INSYN2B: variants seen among roughly 807,000 people sequenced by gnomAD.
The protein encoded by INSYN2B is inhibitory synaptic factor family member 2B, also known as protein INSYN2B.
INSYN2B carries 16 observed loss-of-function variants against 41.2 expected under a neutral mutation model. The ratio of observed to expected loss-of-function variants is 0.39; its 90% CI spans 0.26 to 0.59. The LOEUF is 0.59. Ranked by LOEUF, INSYN2B falls within the 20% of genes least tolerant of loss-of-function variation. The probability of loss-of-function intolerance (pLI) is 0.57; values close to 1 mark genes in which losing one functional copy is unlikely to be tolerated. For synonymous variants in INSYN2B, 245 were observed against 244.4 expected, an observed-to-expected ratio of 1.00 and a Z score of -0.02; for missense variants, 608 against 646.4, an observed-to-expected ratio of 0.94 and a Z score of 0.64.
intron 1 of INSYN2B, among the ~76,000 whole-genome samples, chr5:169,935,100 C>T (rs1276392841): frequency 6.6e-6 from 1 of 152,198 alleles, no homozygotes; most frequent in East Asian, 1.9e-4. Context: ...GCAGTGAAGA[C>T]AGCGTGGCAA....
chr5:169,877,914 A>G (rs1247843344), intron 3 of INSYN2B, among the ~76,000 whole-genome samples: 1 of 152,110 alleles, frequency 6.6e-6, no homozygotes, highest in Non-Finnish European at 1.5e-5. Flanking sequence ...CTGTCTTTCC[A>G]ATTCCTGAAC....
intron 1 of INSYN2B, among the ~76,000 whole-genome samples, chr5:169,952,357 C>T (rs1339661178): frequency 2.0e-5 from 3 of 152,040 alleles, no homozygotes; most frequent in Admixed American, 6.6e-5. Flanking sequence ...GTCCTTTCTC[C>T]AAGTAACTCA....
chr5:169,880,933 G>T (rs1772605583), intron 3 of INSYN2B, among the ~76,000 whole-genome samples: 1 of 152,212 alleles, frequency 6.6e-6, no homozygotes, highest in Non-Finnish European at 1.5e-5. Context: ...TAAGGGCTTG[G>T]CATAGCATAG....
chr5:169,865,945 C>T (rs898731832), intron 3 of INSYN2B, among the ~76,000 whole-genome samples: 2 of 152,212 alleles, frequency 1.3e-5, no homozygotes, highest in African/African-American at 4.8e-5. Context: ...GGCATGTTGC[C>T]GTTGCCATGC....
At chr5:169,886,690 C>T (rs1237604260) in intron 1 of INSYN2B, among the ~76,000 whole-genome samples, 9 of 152,162 alleles carry the variant, frequency 5.9e-5, no homozygotes, top group Non-Finnish European at 1.2e-4. Flanking sequence ...GTGAGATGGT[C>T]GCATGCTTAA....
At chr5:169,943,758 A>G (rs1477826513) in intron 1 of INSYN2B, among the ~76,000 whole-genome samples, 3 of 152,164 alleles carry the variant, frequency 2.0e-5, no homozygotes, top group Non-Finnish European at 2.9e-5. Flanking sequence ...TCCCAGGCCT[A>G]CTGATTCAGA....
rs199836739 is a variant in INSYN2B, at chr5:169,939,070, A to AT, written c.-919+41206dup. Among the ~76,000 whole-genome samples the AT allele has an allele frequency of 8.0e-3, 1,219 of 151,664 alleles. 62 individuals are homozygous for AT. In the East Asian group the frequency reaches 0.13, roughly 17 times the overall value. ...AGGCATGCACCACCACGCCCTGCTA[A>AT]TTTTTTTGTATTTTTAGTAGAGACG... On this transcript the variant is annotated intron_variant, in intron 1 of 3. Transcript: ENST00000377365.
At chr5:169,958,063 G>A (rs1163607017) in intron 1 of INSYN2B, among the ~76,000 whole-genome samples, 10 of 152,146 alleles carry the variant, frequency 6.6e-5, no homozygotes, top group Admixed American at 5.2e-4. Flanking sequence ...CAGGGGATAC[G>A]TTCCCTGTGT....
intron 1 of INSYN2B, among the ~76,000 whole-genome samples, chr5:169,906,866 C>T (rs1011889040): frequency 6.6e-6 from 1 of 152,202 alleles, no homozygotes; most frequent in Non-Finnish European, 1.5e-5. Flanking sequence ...CGCCTCTGTC[C>T]TGCTGGAAAT....
intron 1 of INSYN2B, among the ~76,000 whole-genome samples, chr5:169,891,995 CA>C (rs571918885): frequency 0.16 from 10,158 of 64,096 alleles, 238 homozygotes; most frequent in Admixed American, 0.21. Context: ...GATTCCGTCC[CA>C]AAAAAAAAAA....
intron 1 of INSYN2B, among the ~76,000 whole-genome samples, chr5:169,942,975 C>A (rs966660935): frequency 6.6e-6 from 1 of 152,164 alleles, no homozygotes; most frequent in Non-Finnish European, 1.5e-5. Context: ...CCTGGCAAAT[C>A]GTATGCGTGG....
chr5:169,913,689 G>T (rs1390216828), intron 1 of INSYN2B, among the ~76,000 whole-genome samples: 1 of 149,460 alleles, frequency 6.7e-6, no homozygotes, highest in East Asian at 2.0e-4. Flanking sequence ...ATTCAGTGGA[G>T]AAAGTGCAGT....
intron 1 of INSYN2B, among the ~76,000 whole-genome samples, chr5:169,973,355 C>T (rs1777596209): frequency 6.6e-6 from 1 of 152,190 alleles, no homozygotes; most frequent in Admixed American, 6.5e-5. Flanking sequence ...CGGCTGATCA[C>T]AGACTGTTCC....
chr5:169,911,952 T>C (rs1774620822), intron 1 of INSYN2B, among the ~76,000 whole-genome samples: 1 of 152,242 alleles, frequency 6.6e-6, no homozygotes, highest in Non-Finnish European at 1.5e-5. Flanking sequence ...ATTTCCATGA[T>C]GTTTCCTAGG....
intron 1 of INSYN2B, among the ~76,000 whole-genome samples, chr5:169,928,748 A>G (rs770827421): frequency 1.1e-4 from 16 of 152,378 alleles, no homozygotes; most frequent in Admixed American, 3.9e-4. Flanking sequence ...ACAGTTATAC[A>G]GGAATGAGTG....
Position 169,883,174 on chromosome 5 carries a change from C to A in INSYN2B, c.725G>T (p.Gly242Val), listed in dbSNP as rs958753349. The A allele has an allele frequency of 2.8e-5, 44 of 1,551,450 alleles. No individual in the cohort carries two copies. Among genetic ancestry groups the A allele is most frequent in the Admixed American group, 2.0e-4 (10 of 50,976 alleles). Residue 242 changes from glycine (G) to valine (V), a missense_variant, in exon 2 of 4, where the codon GGT becomes GTT. Physicochemically the swap from Gly to Val is moderately radical, Grantham distance 109 (BLOSUM62 -3). Coordinates refer to ENST00000377365, the MANE Select transcript of INSYN2B (RefSeq NM_001129891.3). Reference sequence around the variant, plus strand: ...TAGTGGAGTCACCCTTCTCCCATCACCTGGACGTGTGTCATCCAAAGGGTG... The same window carrying A: ...TAGTGGAGTCACCCTTCTCCCATCAACTGGACGTGTGTCATCCAAAGGGTG... The part of the protein sequence containing the change: ...SIHPLDDTRP[G>V]DGRRVTPLDS...
chr5:169,975,066 A>C (rs901567858), intron 1 of INSYN2B, among the ~76,000 whole-genome samples: 2 of 152,190 alleles, frequency 1.3e-5, no homozygotes, highest in African/African-American at 4.8e-5. Flanking sequence ...CTGGACTCAA[A>C]GATAAGTGGA....
At chr5:169,935,950 C>T (rs900932734) in intron 1 of INSYN2B, among the ~76,000 whole-genome samples, 1 of 152,136 alleles carries the variant, frequency 6.6e-6, no homozygotes, top group Non-Finnish European at 1.5e-5. Context: ...TGTCTCTAAC[C>T]ACAACTAATA....
rs181931721 is a variant in INSYN2B at position 169,876,878 on chromosome 5, C to A, written c.1421+4490G>T. On this transcript the variant is annotated intron_variant, in intron 3 of 3. Transcript: ENST00000377365. ...CCTCTCCTAGTTAATAGAGTCATTT[C>A]TTTCTTTAATAAGAACCTACTGAGC... is the stretch of plus-strand genomic sequence containing the variant. Among the ~76,000 whole-genome samples, 154 of 152,310 alleles carry A rather than the reference C, an allele frequency of 1.0e-3. 1 individual carries two copies. Among genetic ancestry groups the A allele is most frequent in the Non-Finnish European group, 1.9e-3 (128 of 68,024 alleles).
Sources: gnomAD v4.1 joint callset for allele counts (sites outside exome capture counted in the v4.1 genomes callset) on GRCh38, gnomAD v4.1.1 for gene constraint, MANE v1.5 for transcripts, NCBI Gene and HGNC (gene_info 2026-07-23, HGNC 2026-07-21) for gene names.